BTBD16: variants seen among roughly 807,000 people sequenced by gnomAD.
BTBD16 encodes the protein BTB/POZ domain-containing protein 16.
Under a neutral mutation model 67.4 loss-of-function variants are expected in BTBD16, and 66 were observed. The ratio of observed to expected loss-of-function variants is 0.98; its 90% CI spans 0.80 to 1.20. The LOEUF (loss-of-function observed/expected upper bound fraction) is 1.20, where lower values mean the gene tolerates loss of function less well. Among genes scored for constraint, BTBD16 ranks in the 50% most tolerant of loss-of-function variants. The probability of loss-of-function intolerance (pLI) is 0.00; values close to 1 mark genes in which losing one functional copy is unlikely to be tolerated. For synonymous variants in BTBD16, 242 were observed against 236.4 expected, an observed-to-expected ratio of 1.02 and a Z score of -0.22; for missense variants, 634 against 616.0, an observed-to-expected ratio of 1.03 and a Z score of -0.31.
At chr10:122,282,730 G>A (rs936665308) in intron 3 of BTBD16, among the ~76,000 whole-genome samples, 1 of 152,342 alleles carries the variant, frequency 6.6e-6, no homozygotes, top group South Asian at 2.1e-4. Flanking sequence ...CAGGGTCATA[G>A]CAGTAAACAC....
chr10:122,328,516 C>T (rs1021748689), intron 10 of BTBD16, among the ~76,000 whole-genome samples: 2 of 152,168 alleles, frequency 1.3e-5, no homozygotes, highest in Admixed American at 6.6e-5. Flanking sequence ...TAAACGGTTC[C>T]GGGAAAGCTG....
intron 10 of BTBD16, among the ~76,000 whole-genome samples, chr10:122,326,828 G>C (rs1037821781): frequency 6.6e-6 from 1 of 152,200 alleles, no homozygotes; most frequent in Non-Finnish European, 1.5e-5. Context: ...ACCATCGCCT[G>C]AAGGTGTCTC....
At chr10:122,288,812 C>A (rs765230669) in intron 5 of BTBD16, among the ~76,000 whole-genome samples, 1 of 152,068 alleles carries the variant, frequency 6.6e-6, no homozygotes, top group Admixed American at 6.5e-5. Context: ...GAAGGGAGGG[C>A]GGAAGCCCCA....
chr10:122,275,832 T>G (rs779769602), intron 2 of BTBD16, among the ~76,000 whole-genome samples: 1 of 152,150 alleles, frequency 6.6e-6, no homozygotes, highest in Non-Finnish European at 1.5e-5. Context: ...AGAAAATGTC[T>G]AAGACTGAGC....
chr10:122,317,374 G>A (rs1219203275), intron 10 of BTBD16, among the ~76,000 whole-genome samples: 1 of 152,084 alleles, frequency 6.6e-6, no homozygotes, highest in African/African-American at 2.4e-5. Flanking sequence ...CAGGCCGGGT[G>A]TGGTGGCTCA....
At chr10:122,320,698 C>T (rs1364883116) in intron 10 of BTBD16, among the ~76,000 whole-genome samples, 2 of 152,196 alleles carry the variant, frequency 1.3e-5, no homozygotes, top group East Asian at 3.9e-4. Flanking sequence ...CTTCCTGTTA[C>T]TGTTTTCTAA....
Position 122,338,019 on chromosome 10 carries a change from C to T in BTBD16, c.1455C>T (p.Thr485=). ...CTTTGTTTTTTTTCATGTTTTAGACCTTGAAAATCCAAACTGTGGGCATCC... is the reference window on the plus strand; with the variant it reads ...CTTTGTTTTTTTTCATGTTTTAGACTTTGAAAATCCAAACTGTGGGCATCC... ...GLTTSSCKSH[T]LKIQTVGIPI... The change falls in exon 16 of 16, where the codon ACC becomes ACT. Residue 485 remains threonine (T), a splice_region_variant and synonymous_variant. Transcript: ENST00000260723. 3 of 1,610,598 alleles carry T rather than the reference C, an allele frequency of 1.9e-6. No homozygotes were observed. The highest frequency in any genetic ancestry group is 2.5e-6 in the Non-Finnish European group (3 of 1,177,162).
Position 122,303,298 on chromosome 10 carries a change from A to T in BTBD16, c.792-3891A>T, listed in dbSNP as rs1321175104. Reference sequence around the variant, plus strand: ...ATTTAATCTATGTAATTTTACTCTTACCACATGAATAATATTGCTTTAAAA... The same window carrying T: ...ATTTAATCTATGTAATTTTACTCTTTCCACATGAATAATATTGCTTTAAAA... On this transcript the variant is annotated intron_variant, in intron 9 of 15. Transcript: ENST00000260723. Among the ~76,000 whole-genome samples the T allele has an allele frequency of 2.6e-5, 4 of 152,210 alleles. No individual in the cohort carries two copies. The East Asian group carries it at 7.7e-4, about 29-fold the overall frequency.
chr10:122,293,129 T>A (rs1466594839), intron 7 of BTBD16, among the ~76,000 whole-genome samples: 5 of 152,162 alleles, frequency 3.3e-5, no homozygotes, highest in African/African-American at 1.2e-4. Flanking sequence ...AAAGAAGAGA[T>A]CAGGGCAGGA....
At chr10:122,314,480 G>A (rs1001564858) in intron 10 of BTBD16, among the ~76,000 whole-genome samples, 35 of 152,276 alleles carry the variant, frequency 2.3e-4, no homozygotes, top group African/African-American at 8.4e-4. Flanking sequence ...CTCCAGCCTA[G>A]ATGGCAAAGT....
intron 1 of BTBD16, among the ~76,000 whole-genome samples, chr10:122,272,642 C>T (rs2096331312): frequency 6.6e-6 from 1 of 151,604 alleles, no homozygotes; most frequent in African/African-American, 2.4e-5. Context: ...GGCCTGGCCC[C>T]AGATATGTTT....
At chr10:122,302,371 C>T (rs957924576) in intron 9 of BTBD16, among the ~76,000 whole-genome samples, 6 of 152,134 alleles carry the variant, frequency 3.9e-5, no homozygotes, top group African/African-American at 1.4e-4. Context: ...AAGAAGCTTT[C>T]ATTCCAAGTT....
At chr10:122,327,587 G>T (rs1456855857) in intron 10 of BTBD16, 1 of 985,310 alleles carries the variant, frequency 1.0e-6, no homozygotes, top group Non-Finnish European at 1.2e-6. Flanking sequence ...TCCCAGCTTG[G>T]TTGGATGATG....
At chr10:122,288,809 G>A (rs2096368554) in intron 5 of BTBD16, among the ~76,000 whole-genome samples, 1 of 152,218 alleles carries the variant, frequency 6.6e-6, no homozygotes, top group South Asian at 2.1e-4. Context: ...GAGGAAGGGA[G>A]GGCGGAAGCC....
intron 10 of BTBD16, among the ~76,000 whole-genome samples, chr10:122,309,087 C>T (rs564245572): frequency 6.6e-6 from 1 of 152,308 alleles, no homozygotes; most frequent in Non-Finnish European, 1.5e-5. Flanking sequence ...CTTGCCCCAA[C>T]TTGCCTGGCA....
chr10:122,322,442 C>A (rs1168386826), intron 10 of BTBD16, among the ~76,000 whole-genome samples: 1 of 152,030 alleles, frequency 6.6e-6, no homozygotes. Flanking sequence ...AGTGAGGAGG[C>A]CTAGGGAACA....
rs575477321 is a variant in BTBD16 at position 122,277,062 on chromosome 10, T to G, written c.167+123T>G. Reference sequence around the variant, plus strand: ...TCAAGGGCACATCTGCAAGGAAGGCTCCCTCTGGAGCCAGCTCTCAGGCAT... The same window carrying G: ...TCAAGGGCACATCTGCAAGGAAGGCGCCCTCTGGAGCCAGCTCTCAGGCAT... On this transcript the variant is annotated intron_variant, in intron 3 of 15. Transcript: ENST00000260723. 4 of 1,164,508 alleles carry G rather than the reference T, an allele frequency of 3.4e-6. No individual in the cohort carries two copies. In the African/African-American group the frequency reaches 6.2e-5, roughly 18 times the overall value. The allele number at this position is 1,164,508 out of a possible 1,614,324, so 72.1% of individuals were successfully genotyped here.
At chr10:122,315,140 T>C (rs530707127) in intron 10 of BTBD16, among the ~76,000 whole-genome samples, 1 of 152,312 alleles carries the variant, frequency 6.6e-6, no homozygotes, top group African/African-American at 2.4e-5. Flanking sequence ...TGATATATAG[T>C]TTTCTCCTTT....
At chr10:122,311,321 A>G (rs1564999283) in intron 10 of BTBD16, among the ~76,000 whole-genome samples, 1 of 152,220 alleles carries the variant, frequency 6.6e-6, no homozygotes. Flanking sequence ...TTGCAAACAC[A>G]TACAAACACA....
Sources: gnomAD v4.1 joint callset for allele counts (sites outside exome capture counted in the v4.1 genomes callset) on GRCh38, gnomAD v4.1.1 for gene constraint, MANE v1.5 for transcripts, NCBI Gene and HGNC (gene_info 2026-07-23, HGNC 2026-07-21) for gene names.